The following SOX5 variants were observed in gnomAD, a reference collection of about 807,000 sequenced individuals.
The protein encoded by SOX5 is transcription factor SOX-5.
A neutral mutation model predicts 92.0 loss-of-function variants in SOX5; 9 were observed. The observed-to-expected ratio is 0.10, with a 90% CI of 0.06 to 0.17. SOX5 has a LOEUF of 0.17. Ranked by LOEUF, SOX5 falls within the 10% of genes least tolerant of loss-of-function variation. SOX5 has a pLI of 1.00. For missense variants in SOX5, 642 were observed against 944.5 expected (o/e 0.68, Z 4.20); for synonymous variants, 344 against 336.3 (o/e 1.02, Z -0.25).
chr12:24,340,310 T>A (rs748900390), intron 2 of SOX5, among the ~76,000 whole-genome samples: 7 of 152,226 alleles, frequency 4.6e-5, no homozygotes, highest in Admixed American at 1.3e-4. Context: ...ATCCCAAACC[T>A]AGTATTAGGC....
At chr12:23,779,027 G>T (rs61925714) in intron 3 of SOX5, among the ~76,000 whole-genome samples, 15,125 of 152,158 alleles carry the variant, frequency 0.099, 933 homozygotes, top group Non-Finnish European at 0.14. Context: ...CTGTAGCAGA[G>T]AAACTATTCT....
chr12:24,253,571 G>A (rs955851), intron 3 of SOX5, among the ~76,000 whole-genome samples: 1 of 152,118 alleles, frequency 6.6e-6, no homozygotes, highest in Non-Finnish European at 1.5e-5. Flanking sequence ...AGAGGTGTGG[G>A]AAACCCCCAT....
intron 2 of SOX5, among the ~76,000 whole-genome samples, chr12:24,330,799 A>C (rs974032132): frequency 6.6e-6 from 1 of 152,234 alleles, no homozygotes; most frequent in Non-Finnish European, 1.5e-5. Context: ...GATTGGAGTT[A>C]TCGCCTCTGA....
At chr12:23,778,861 T>G (rs1409487770) in intron 3 of SOX5, among the ~76,000 whole-genome samples, 1 of 152,140 alleles carries the variant, frequency 6.6e-6, no homozygotes, top group Non-Finnish European at 1.5e-5. Flanking sequence ...GCAAGAAGGA[T>G]CTGCAGTAGG....
chr12:23,992,124 T>C (rs1950617108), intron 4 of SOX5, among the ~76,000 whole-genome samples: 1 of 152,086 alleles, frequency 6.6e-6, no homozygotes, highest in African/African-American at 2.4e-5. Flanking sequence ...CCTTCCCTAA[T>C]AAAATTCCTA....
intron 2 of SOX5, among the ~76,000 whole-genome samples, chr12:24,359,714 T>C (rs1277118893): frequency 6.6e-6 from 1 of 152,170 alleles, no homozygotes; most frequent in Non-Finnish European, 1.5e-5. Context: ...ATACATATTT[T>C]ATCAAGGGAT....
At chr12:24,103,765 G>A (rs760544611) in intron 4 of SOX5, among the ~76,000 whole-genome samples, 2 of 152,114 alleles carry the variant, frequency 1.3e-5, no homozygotes, top group Admixed American at 6.5e-5. Flanking sequence ...ATCATGTTCT[G>A]ACTCATAATT....
intron 4 of SOX5, among the ~76,000 whole-genome samples, chr12:24,072,258 A>G (rs1569533326): frequency 6.6e-6 from 1 of 152,242 alleles, no homozygotes; most frequent in Non-Finnish European, 1.5e-5. Context: ...ATGCGTGGAT[A>G]TTTCATTGGC....
At position 23,533,786 on chromosome 12, in the gene SOX5, C is replaced by G. The variant is rs1312935343; in HGVS notation, c.*433G>C. The G allele has an allele frequency of 6.5e-6, 1 of 152,872 alleles. No homozygotes were observed. The highest frequency in any genetic ancestry group is 2.4e-5 in the African/African-American group (1 of 41,358). The allele number at this position is 152,872 out of a possible 1,614,324, so 9.5% of individuals were successfully genotyped here. ...AGAAACCCCAAAAAACAAAACAAAA[C>G]TTTTTTCTTTTTAAAAATTGTAGCA... On this transcript the variant is annotated 3_prime_UTR_variant, in exon 15 of 15. Coordinates refer to ENST00000451604, the MANE Select transcript of SOX5 (RefSeq NM_006940.6).
intron 3 of SOX5, among the ~76,000 whole-genome samples, chr12:24,271,534 T>C (rs74068482): frequency 0.029 from 4,436 of 152,288 alleles, 219 homozygotes; most frequent in African/African-American, 0.1. Flanking sequence ...GTGTGCTTTT[T>C]TGGCTTAAAG....
chr12:23,860,763 T>G (rs1173993645), intron 2 of SOX5, among the ~76,000 whole-genome samples: 2 of 152,082 alleles, frequency 1.3e-5, no homozygotes, highest in East Asian at 3.9e-4. Flanking sequence ...TAAATGCACT[T>G]CAGGTCATAA....
chr12:23,976,396 A>C (rs1948894831), intron 4 of SOX5, among the ~76,000 whole-genome samples: 1 of 120,988 alleles, frequency 8.3e-6, no homozygotes, highest in Non-Finnish European at 1.6e-5. Flanking sequence ...CTATTAAAAA[A>C]ACAAAAAAAC....
At chr12:23,737,287 T>C (rs1346402139) in intron 5 of SOX5, among the ~76,000 whole-genome samples, 1 of 152,064 alleles carries the variant, frequency 6.6e-6, no homozygotes, top group Admixed American at 6.6e-5. Context: ...TTTTAAAATA[T>C]GAGTCCACTT....
At chr12:23,995,295 G>A (rs1950930669) in intron 4 of SOX5, among the ~76,000 whole-genome samples, 2 of 152,134 alleles carry the variant, frequency 1.3e-5, no homozygotes, top group Non-Finnish European at 2.9e-5. Flanking sequence ...GGGAAAAAGT[G>A]CTTTTTGTTT....
chr12:23,903,186 A>G (rs899452136), intron 1 of SOX5, among the ~76,000 whole-genome samples: 2 of 152,178 alleles, frequency 1.3e-5, no homozygotes, highest in South Asian at 2.1e-4. Flanking sequence ...ATGCCTTTTT[A>G]AAAATATGAG....
At chr12:23,786,510 T>A (rs2095380259) in intron 3 of SOX5, among the ~76,000 whole-genome samples, 2 of 149,244 alleles carry the variant, frequency 1.3e-5, no homozygotes, top group Non-Finnish European at 3.0e-5. Flanking sequence ...AAACACCCAC[T>A]TTTCCATTGG....
At chr12:24,317,367 C>T (rs1003162945) in intron 2 of SOX5, among the ~76,000 whole-genome samples, 5 of 152,120 alleles carry the variant, frequency 3.3e-5, no homozygotes, top group Non-Finnish European at 4.4e-5. Flanking sequence ...GTACATTTGT[C>T]TAAAATAAAA....
rs549555611 is a variant in SOX5 at position 24,433,581 on chromosome 12, G to GA, written c.-250-64943dup. ...AAAACAGGCAAAGAAAACTGAGGGG[G>GA]AAAAAATCACAGCAGTAGGAACTAA... is the stretch of plus-strand genomic sequence containing the variant. On this transcript the variant is annotated intron_variant, in intron 1 of 4. Coordinates refer to the SOX5 transcript ENST00000446891. Among the ~76,000 whole-genome samples the GA allele has an allele frequency of 2.3e-3, 350 of 152,166 alleles. 1 individual carries two copies. Among genetic ancestry groups the GA allele is most frequent in the African/African-American group, 7.8e-3 (323 of 41,520 alleles).
At chr12:24,451,927 A>T (rs959548126) in intron 1 of SOX5, among the ~76,000 whole-genome samples, 4 of 152,248 alleles carry the variant, frequency 2.6e-5, no homozygotes, top group African/African-American at 9.6e-5. Context: ...GAAATCAGGA[A>T]TCAGGTCTTC....
Sources: allele counts gnomAD v4.1 joint callset (sites outside exome capture counted in the v4.1 genomes callset), GRCh38; gene constraint gnomAD v4.1.1; transcripts MANE v1.5; gene names NCBI Gene and HGNC (gene_info 2026-07-23, HGNC 2026-07-21).